Variants in PIGG observed in about 807,000 individuals in gnomAD.
The protein encoded by PIGG is phosphatidylinositol glycan anchor biosynthesis class G (EMM blood group).
In PIGG, 70 loss-of-function variants were observed where a neutral mutation model predicts 83.2. That is an observed-to-expected ratio of 0.84 (90% CI 0.69 to 1.03). PIGG has a LOEUF of 1.03. PIGG is among the 50% of genes least tolerant of loss of function. The probability of loss-of-function intolerance (pLI) is 0.00; values close to 1 mark genes in which losing one functional copy is unlikely to be tolerated. For missense variants in PIGG, 1,257 were observed against 1,233.6 expected, an observed-to-expected ratio of 1.02 and a Z score of -0.28; for synonymous variants, 532 against 519.5, an observed-to-expected ratio of 1.02 and a Z score of -0.33.
intron 3 of PIGG, chr4:506,991 GA>G (rs1719951066): frequency 3.5e-6 from 1 of 288,140 alleles, no homozygotes; most frequent in Admixed American, 4.2e-5. Flanking sequence ...TGATCCCACA[GA>G]AAAATATTTT....
At chr4:520,907 A>G in intron 6 of PIGG, 149 bp from the exon 7 acceptor site, 1 of 636,290 alleles carries the variant, frequency 1.6e-6, no homozygotes, top group Non-Finnish European at 2.8e-6. Flanking sequence ...CCCCCCACCC[A>G]AAGGAATGAT....
At chr4:517,157 CAG>C (rs1445024465) in intron 6 of PIGG, among the ~76,000 whole-genome samples, 2 of 152,148 alleles carry the variant, frequency 1.3e-5, no homozygotes, top group Admixed American at 6.5e-5. Flanking sequence ...TGGTGAGAGC[CAG>C]AGTCTCCCAC....
intron 2 of PIGG, chr4:501,251 A>G: frequency 2.4e-6 from 1 of 422,426 alleles, no homozygotes; most frequent in South Asian, 1.7e-5. Flanking sequence ...TTGGGGAAAA[A>G]ATAGTATCTC....
chr4:503,845 T>TACACACAC lies in PIGG; in HGVS notation c.361-1839_361-1832dup, dbSNP rs56841358. Among the ~76,000 whole-genome samples the TACACACAC allele has an allele frequency of 9.7e-3, 1,420 of 145,710 alleles. 21 individuals carry two copies. Among genetic ancestry groups the TACACACAC allele is most frequent in the African/African-American group, 0.03 (1,166 of 38,994 alleles). ...GTACCTTCATATATTTGTGATTTTA[T>TACACACAC]ACACACACACACACACACACACACA... is the stretch of plus-strand genomic sequence containing the variant. On this transcript the variant is annotated intron_variant, in intron 2 of 12. Transcript: ENST00000453061.
At chr4:510,615 G>A (rs782448775) in intron 5 of PIGG, among the ~76,000 whole-genome samples, 16 of 152,190 alleles carry the variant, frequency 1.1e-4, no homozygotes, top group Admixed American at 5.2e-4. Context: ...AGCTGCATGC[G>A]TGCAGGCTGC....
intron 6 of PIGG, among the ~76,000 whole-genome samples, chr4:516,702 A>C (rs1218112495): frequency 6.6e-6 from 1 of 152,050 alleles, no homozygotes; most frequent in Non-Finnish European, 1.5e-5. Flanking sequence ...CTAAAAATAC[A>C]AAAATTAGCC....
chr4:523,934 C>T lies in PIGG; in HGVS notation c.2069+21C>T, dbSNP rs1385264256. On this transcript the variant is annotated intron_variant, in intron 9 of 12. Transcript: ENST00000453061. ...ACCAGGTGAGAGCGTAGGCCCGTGG[C>T]CACAGGCCAGACTTTCTACGGCCGA... 9 of 1,450,930 alleles carry T rather than the reference C, an allele frequency of 6.2e-6. No individual in the cohort carries two copies. In the East Asian group the frequency reaches 1.3e-4, roughly 20 times the overall value. The allele number at this position is 1,450,930 out of a possible 1,614,324, so 89.9% of individuals were successfully genotyped here.
At chr4:521,406 C>G (rs1448428248) in intron 7 of PIGG, 133 bp downstream of exon 7, 1 of 707,998 alleles carries the variant, frequency 1.4e-6, no homozygotes, top group Non-Finnish European at 2.3e-6. Flanking sequence ...TTAACTCTTT[C>G]GTGGTGTGTC....
At chr4:501,331 T>A (rs1369582878) in intron 2 of PIGG, among the ~76,000 whole-genome samples, 2 of 152,220 alleles carry the variant, frequency 1.3e-5, no homozygotes, top group East Asian at 3.8e-4. Context: ...AACATGCAGT[T>A]GTAAAGTGTG....
intron 9 of PIGG, chr4:524,636 GTC>G (rs1727075537): frequency 6.6e-6 from 1 of 151,968 alleles, no homozygotes; most frequent in Non-Finnish European, 1.5e-5. Context: ...TGACCCAGAC[GTC>G]TCCCACAAGG....
rs1244756831 is a variant in PIGG at position 528,658 on chromosome 4, G to A, written c.2261+1428G>A. 2.0e-6 allele frequency: 2 copies of A among 985,172 alleles called. No homozygotes were observed. The highest frequency in any genetic ancestry group is 2.4e-6 in the Non-Finnish European group (2 of 829,816). 61.0% of individuals were successfully genotyped at this position (985,172 alleles called of 1,614,324 possible). ...TCTGAGACTTAGGGCTCATCCAAAT[G>A]GATGTTACATTTGCGGGTGTGTGTT... On this transcript the variant is annotated intron_variant, in intron 10 of 12. Transcript: ENST00000453061. The surrounding 1 kb of genome is among the most constrained non-coding windows in gnomAD (Gnocchi z 4.8).
Position 505,792 on chromosome 4 carries a change from C to T in PIGG, c.435C>T (p.Asp145=). The T allele has an allele frequency of 6.2e-7, 1 of 1,613,454 alleles. No homozygotes were observed. The highest frequency in any genetic ancestry group is 8.5e-7 in the Non-Finnish European group (1 of 1,179,836). The part of the protein sequence containing the change: ...RNLNSPALLE[D]SVIRQAKAAG... The stretch of plus-strand genomic sequence containing the variant: ...TCAATTCTCCTGCACTGCTGGAAGA[C>T]AGTGTGATAAGACAAGCAAAAGCAG... Residue 145 remains aspartate (D), a synonymous_variant, in exon 3 of 13, where the codon GAC becomes GAT. Transcript: ENST00000453061.
At chr4:525,150 TTC>T (rs1727227109) in intron 9 of PIGG, 19 of 977,772 alleles carry the variant, frequency 1.9e-5, no homozygotes, top group Non-Finnish European at 2.1e-5. Flanking sequence ...ATCCTCCCTT[TTC>T]TCTCTCCTCA....
intron 6 of PIGG, among the ~76,000 whole-genome samples, chr4:520,343 G>GA (rs1725405627): frequency 6.6e-6 from 1 of 152,240 alleles, no homozygotes; most frequent in South Asian, 2.1e-4. Context: ...GGGAAAGAAA[G>GA]AACATCAGCT....
intron 5 of PIGG, among the ~76,000 whole-genome samples, chr4:510,197 TAACGGCA>T (rs1265387182): frequency 1.3e-5 from 2 of 152,192 alleles, no homozygotes; most frequent in African/African-American, 4.8e-5. Context: ...ACGTATTTAT[TAACGGCA>T]AACCAGTCAT....
chr4:525,180 C>T (rs1309380261), intron 9 of PIGG: 10 of 984,854 alleles, frequency 1.0e-5, no homozygotes, highest in Admixed American at 6.1e-5. Flanking sequence ...GGGACAGAGC[C>T]GTGTGGGGGA....
intron 5 of PIGG, among the ~76,000 whole-genome samples, chr4:512,344 C>T (rs148739902): frequency 0.013 from 1,973 of 151,202 alleles, 15 homozygotes; most frequent in Non-Finnish European, 0.019. Context: ...CTCAGCCTCC[C>T]GAGTAGCTGG....
In PIGG at chr4:530,735, T is replaced by C; in HGVS notation, c.2561T>C (p.Phe854Ser). 1 of 1,604,258 alleles carries C rather than the reference T, an allele frequency of 6.2e-7. No individual in the cohort carries two copies. The highest frequency in any genetic ancestry group is 8.5e-7 in the Non-Finnish European group (1 of 1,172,084). The change falls in exon 11 of 13, where the codon TTC (phenylalanine) becomes TCC (serine). Residue 854 changes from phenylalanine to serine, a missense_variant. By Grantham distance (155) the Phe-to-Ser change is radical. Transcript: ENST00000453061. ...VMHYWFGQAFFYFQGNSNNIA... is the reference protein window; with the variant it reads ...VMHYWFGQAFSYFQGNSNNIA... ...CATTATTGGTTTGGTCAAGCATTCT[T>C]CTATTTTCAGGTAGGTTTTCATTAT...
At chr4:502,534 C>A (rs1718127775) in intron 2 of PIGG, among the ~76,000 whole-genome samples, 1 of 152,142 alleles carries the variant, frequency 6.6e-6, no homozygotes, top group Admixed American at 6.6e-5. Context: ...TTGCTAAGAC[C>A]CTGCAGCAGC....
Sources: gnomAD v4.1 joint callset for allele counts (sites outside exome capture counted in the v4.1 genomes callset) on GRCh38, gnomAD v4.1.1 for gene constraint, Gnocchi (gnomAD v3.1) non-coding constraint, MANE v1.5 for transcripts, NCBI Gene and HGNC (gene_info 2026-07-23, HGNC 2026-07-21) for gene names.